The following KDM4C variants were observed in gnomAD, a reference collection of about 807,000 sequenced individuals.
The protein encoded by KDM4C is lysine demethylase 4C, also known as lysine-specific demethylase 4C.
In KDM4C, 81 loss-of-function variants were observed where a neutral mutation model predicts 129.3. The observed-to-expected ratio is 0.63, with a 90% CI of 0.52 to 0.75. KDM4C has a LOEUF of 0.75. KDM4C is among the 30% of genes least tolerant of loss of function. The pLI is 0.00. For synonymous variants in KDM4C, 573 were observed against 456.1 expected (o/e 1.26, Z -3.26); for missense variants, 1,457 against 1,304.0 (o/e 1.12, Z -1.81).
intron 8 of KDM4C, among the ~76,000 whole-genome samples, chr9:6,969,516 A>G (rs1283378151): frequency 6.6e-6 from 1 of 152,198 alleles, no homozygotes; most frequent in Non-Finnish European, 1.5e-5. Context: ...CTTTTGGCAG[A>G]TCCTTATATA....
chr9:7,103,090 C>G (rs1837285852), intron 17 of KDM4C, among the ~76,000 whole-genome samples: 1 of 152,192 alleles, frequency 6.6e-6, no homozygotes, highest in Non-Finnish European at 1.5e-5. Context: ...TCAATTTTCT[C>G]ACTTTGGGAG....
intron 1 of KDM4C, among the ~76,000 whole-genome samples, chr9:6,771,040 C>A (rs1196337816): frequency 7.1e-6 from 1 of 139,936 alleles, no homozygotes; most frequent in Non-Finnish European, 1.5e-5. Context: ...TCCCAAAGTG[C>A]TGGGATTACA....
chr9:7,169,764 T>C (rs1490324626), intron 20 of KDM4C, 34 bp from the exon 21 acceptor site: 1 of 1,547,350 alleles, frequency 6.5e-7, no homozygotes. Flanking sequence ...TGCTGTTTTT[T>C]TAATATGTAT....
At chr9:6,902,963 C>T (rs865776179) in intron 8 of KDM4C, among the ~76,000 whole-genome samples, 2 of 151,886 alleles carry the variant, frequency 1.3e-5, no homozygotes, top group Non-Finnish European at 2.9e-5. Context: ...GCTCTTGTGC[C>T]CCTTGTTGAA....
intron 8 of KDM4C, among the ~76,000 whole-genome samples, chr9:6,909,391 A>G (rs1318909374): frequency 6.6e-6 from 1 of 152,210 alleles, no homozygotes; most frequent in Non-Finnish European, 1.5e-5. Flanking sequence ...AGTGCTGTAG[A>G]TCATTAATCT....
chr9:6,865,889 T>G (rs954469033), intron 5 of KDM4C, among the ~76,000 whole-genome samples: 1 of 152,166 alleles, frequency 6.6e-6, no homozygotes, highest in African/African-American at 2.4e-5. Context: ...TAGCTGGGAC[T>G]ACAGGCGCCC....
rs1445077054 is a variant in KDM4C at position 6,849,599 on chromosome 9, A to G, written c.528A>G (p.Pro176=). The G allele has an allele frequency of 3.7e-6, 6 of 1,613,834 alleles. No homozygotes were observed. Among genetic ancestry groups the G allele is most frequent in the Middle Eastern group, 1.6e-4 (1 of 6,084 alleles). The change falls in exon 5 of 22, where the codon CCA becomes CCG. Residue 176 remains proline, a synonymous_variant. Transcript: ENST00000381309. ...TTTCTATTGAGGGTGTAAATACCCCATATCTCTATTTTGGCATGTGGAAGA... is the reference window on the plus strand; with the variant it reads ...TTTCTATTGAGGGTGTAAATACCCCGTATCTCTATTTTGGCATGTGGAAGA... The part of the protein sequence containing the change: ...CGISIEGVNT[P]YLYFGMWKTT...
In KDM4C at chr9:6,732,226, G is replaced by A. The variant is rs567110753; in HGVS notation, c.49+11229G>A. 2.4e-4 allele frequency among the ~76,000 whole-genome samples: 37 copies of A among 151,376 alleles called. 1 individual carries two copies. The highest frequency in any genetic ancestry group is 6.5e-4 in the African/African-American group (27 of 41,312). On this transcript the variant is annotated intron_variant, in intron 1 of 17. Coordinates refer to the KDM4C transcript ENST00000536108. ...CTAAAAATACAAAAATTAGCCGGGC[G>A]TGGTGGTGGGCGCCTGTAGTCCCAG...
chr9:7,175,006 G>A lies in KDM4C; in HGVS notation c.*277G>A, dbSNP rs996233912. On this transcript the variant is annotated 3_prime_UTR_variant, in exon 22 of 22. Transcript: ENST00000381309. Reference sequence around the variant, plus strand: ...GTTTTCTAAGTGAAAGGAAATACTAGTGAATCACCCACAAGGAAAAGCCAC... The same window carrying A: ...GTTTTCTAAGTGAAAGGAAATACTAATGAATCACCCACAAGGAAAAGCCAC... 6 of 293,922 alleles carry A rather than the reference G, an allele frequency of 2.0e-5. No individual in the cohort carries two copies. The highest frequency in any genetic ancestry group is 3.9e-5 in the Non-Finnish European group (6 of 153,960). The allele number at this position is 293,922 out of a possible 1,614,324, so 18.2% of individuals were successfully genotyped here. A position where few individuals can be genotyped will look rare whatever the true frequency, so the allele number is the denominator to read the frequency against.
At chr9:6,931,543 C>T (rs1300030406) in intron 8 of KDM4C, among the ~76,000 whole-genome samples, 3 of 151,994 alleles carry the variant, frequency 2.0e-5, no homozygotes, top group Non-Finnish European at 2.9e-5. Flanking sequence ...TTCTTTCACC[C>T]AGGCTGGAGA....
intron 15 of KDM4C, among the ~76,000 whole-genome samples, 168 bp downstream of exon 15, chr9:7,016,097 A>G (rs1333073315): frequency 6.6e-6 from 1 of 151,544 alleles, no homozygotes; most frequent in African/African-American, 2.4e-5. Flanking sequence ...TGCTGGTTCT[A>G]TATCCATTAT....
intron 8 of KDM4C, among the ~76,000 whole-genome samples, chr9:6,927,217 C>G (rs980146348): frequency 6.6e-6 from 1 of 152,138 alleles, no homozygotes; most frequent in African/African-American, 2.4e-5. Context: ...GCAACCTCCT[C>G]TTCCCAGGCT....
intron 1 of KDM4C, among the ~76,000 whole-genome samples, chr9:6,748,165 C>A (rs1050979363): frequency 8.2e-5 from 8 of 97,518 alleles, no homozygotes; most frequent in East Asian, 3.3e-4. Flanking sequence ...GACTTGGTCT[C>A]AAAAAAAAAA....
intron 17 of KDM4C, among the ~76,000 whole-genome samples, chr9:7,066,849 T>C (rs1285623262): frequency 6.6e-6 from 1 of 152,188 alleles, no homozygotes; most frequent in Non-Finnish European, 1.5e-5. Flanking sequence ...GAAGAAGCCA[T>C]CCAGAGATAA....
intron 4 of KDM4C, among the ~76,000 whole-genome samples, chr9:6,842,958 C>T (rs1479575710): frequency 6.6e-6 from 1 of 152,170 alleles, no homozygotes; most frequent in Admixed American, 6.5e-5. Flanking sequence ...GAGACAGAGT[C>T]TCGCTCTGTT....
At position 7,021,365 on chromosome 9, in the gene KDM4C, G is replaced by A. The variant is rs1824825793; in HGVS notation, c.2259+5436G>A. On this transcript the variant is annotated intron_variant, in intron 15 of 21. Transcript: ENST00000381309. ...TCACCATGTTGGCCAGGCTGGTCTC[G>A]AACTCCTGACCTCAGGTGATCTGCC... Among the ~76,000 whole-genome samples the A allele has an allele frequency of 4.6e-5, 7 of 151,992 alleles. 2 individuals carry two copies. In the South Asian group the frequency reaches 1.5e-3, roughly 32 times the overall value.
chr9:7,044,862 C>T (rs1423299973), intron 15 of KDM4C, among the ~76,000 whole-genome samples: 1 of 151,826 alleles, frequency 6.6e-6, no homozygotes, highest in Non-Finnish European at 1.5e-5. Context: ...GAAAGAGAAG[C>T]CTGTTAAAGG....
chr9:6,782,628 C>T (rs994712905), intron 1 of KDM4C, among the ~76,000 whole-genome samples: 1 of 151,922 alleles, frequency 6.6e-6, no homozygotes, highest in Admixed American at 6.6e-5. Context: ...TTGGGAACAT[C>T]GAGTGGTTTA....
intron 8 of KDM4C, among the ~76,000 whole-genome samples, chr9:6,917,265 C>T (rs1390315810): frequency 1.5e-5 from 2 of 129,398 alleles, no homozygotes; most frequent in African/African-American, 5.8e-5. Flanking sequence ...GGCATGCCTT[C>T]CTCTGATCTA....
Sources: gnomAD v4.1 joint callset for allele counts (sites outside exome capture counted in the v4.1 genomes callset) on GRCh38, gnomAD v4.1.1 for gene constraint, MANE v1.5 for transcripts, NCBI Gene and HGNC (gene_info 2026-07-23, HGNC 2026-07-21) for gene names.